ZNF563: variants seen among roughly 807,000 people sequenced by gnomAD.
ZNF563 encodes the protein zinc finger protein 563.
Under a neutral mutation model 48.5 loss-of-function variants are expected in ZNF563, and 39 were observed. The ratio of observed to expected loss-of-function variants is 0.80; its 90% CI spans 0.62 to 1.05. ZNF563 has a LOEUF of 1.05. ZNF563 is among the 50% of genes least tolerant of loss of function. The pLI, the probability that ZNF563 is intolerant of heterozygous loss-of-function variation, is 0.00. For synonymous variants in ZNF563, 168 were observed against 187.9 expected, an observed-to-expected ratio of 0.89 and a Z score of 0.87; for missense variants, 538 against 597.0, an observed-to-expected ratio of 0.90 and a Z score of 1.03.
chr19:12,346,420 T>C, the ZNF563 span: 1 of 152,166 alleles, frequency 6.6e-6, no homozygotes, highest in Non-Finnish European at 1.5e-5. Flanking sequence ...TAATTGGCTA[T>C]TATGAAAAAA....
At chr19:12,341,629 C>T in the ZNF563 span, among the ~76,000 whole-genome samples, 2 of 152,104 alleles carry the variant, frequency 1.3e-5, no homozygotes, top group South Asian at 4.1e-4. Flanking sequence ...AAGAAGAACA[C>T]TATTTATAAA....
chr19:12,335,407 A>G (rs1310442042), upstream of ZNF563, among the ~76,000 whole-genome samples: 1 of 152,198 alleles, frequency 6.6e-6, no homozygotes, highest in African/African-American at 2.4e-5. Context: ...CCATAAGCAA[A>G]TTAACTGTCC....
chr19:12,318,617 T>C lies in ZNF563; in HGVS notation c.1408A>G (p.Thr470Ala), dbSNP rs778026581. ...ATTCATATTGTTTCTCTCCAGTGAG[T>C]CTTTTCATGTCTTTGACATACACTG... ...YPSVCQRHEKTHWRETI is the reference protein window; with the variant it reads ...YPSVCQRHEKAHWRETI Residue 470 changes from threonine to alanine, a missense_variant, in exon 4 of 4, where the codon ACT (threonine) becomes GCT (alanine). Thr to Ala is a moderately conservative substitution (Grantham distance 58, BLOSUM62 0). Transcript: ENST00000293725. The C allele has an allele frequency of 2.5e-5, 40 of 1,613,208 alleles. No homozygotes were observed. Among genetic ancestry groups the C allele is most frequent in the Non-Finnish European group, 2.4e-5 (28 of 1,179,602 alleles).
chr19:12,324,222 A>T (rs1968710367), intron 1 of ZNF563, among the ~76,000 whole-genome samples: 2 of 152,072 alleles, frequency 1.3e-5, no homozygotes, highest in South Asian at 2.1e-4. Flanking sequence ...TTAGCCGGGC[A>T]TGGTGGTGTG....
rs1459275249 is a variant in ZNF563, at chr19:12,333,587, C to T, written c.-105G>A. 6 of 1,514,590 alleles carry T rather than the reference C, an allele frequency of 4.0e-6. No homozygotes were observed. Among genetic ancestry groups the T allele is most frequent in the Non-Finnish European group, 5.4e-6 (6 of 1,108,700 alleles). 93.8% of individuals were successfully genotyped at this position (1,514,590 alleles called of 1,614,324 possible). A position where few individuals can be genotyped will look rare whatever the true frequency, so the allele number is the denominator to read the frequency against. On this transcript the variant is annotated 5_prime_UTR_variant, in exon 1 of 4. Transcript: ENST00000293725. The stretch of plus-strand genomic sequence containing the variant: ...ACAGACGTTCCAGGGCGTCTCTCAG[C>T]GACTGAGGCTACACAGACGTTCCAG...
chr19:12,342,435 A>G, the ZNF563 span, among the ~76,000 whole-genome samples: 2 of 152,160 alleles, frequency 1.3e-5, no homozygotes, highest in Admixed American at 1.3e-4. Context: ...AGAAATTGCA[A>G]TAGAAAATAC....
intron 3 of ZNF563, among the ~76,000 whole-genome samples, chr19:12,320,752 A>G (rs1599568388): frequency 6.6e-6 from 1 of 151,590 alleles, no homozygotes; most frequent in South Asian, 2.1e-4. Flanking sequence ...GCCTGCCTCA[A>G]CCTCCCAAAG....
rs2145796439 is a variant in ZNF563 at position 12,319,223 on chromosome 19, AG to A, written c.801del (p.Tyr268IlefsTer2). 2 of 1,614,092 alleles carry A rather than the reference AG, an allele frequency of 1.2e-6. No homozygotes were observed. The highest frequency in any genetic ancestry group is 2.7e-5 in the African/African-American group (2 of 75,020). ...QCSKALPDSS[S>X]YIRHERTHTG... is the part of the protein sequence containing the mutation. ...GTGTGAGTTCTTTCATGTCTTATAT[AG>A]GAACTGGAATCAGGCAAGGCTTTAG... On this transcript the variant is annotated frameshift_variant, in exon 4 of 4. Coordinates refer to ENST00000293725, the MANE Select transcript of ZNF563 (RefSeq NM_145276.3). LOFTEE classifies it high-confidence loss of function.
upstream of ZNF563, among the ~76,000 whole-genome samples, chr19:12,335,311 A>C (rs1465480091): frequency 6.6e-6 from 1 of 152,214 alleles, no homozygotes; most frequent in African/African-American, 2.4e-5. Context: ...GGGTCGTAGA[A>C]TCCAGAACCC....
Position 12,319,535 on chromosome 19 carries a change from T to C in ZNF563, c.490A>G (p.Thr164Ala), listed in dbSNP as rs763236614. ...HSFQSRGRPH[T>A]GKKRYECKEC... ...TTACACTCATAGCGTTTCTTTCCAG[T>C]GTGAGGCCTTCCACGCGACTGAAAG... The change falls in exon 4 of 4, where the codon ACT (threonine) becomes GCT (alanine). Residue 164 changes from threonine (T) to alanine (A), a missense_variant. Transcript: ENST00000293725. 1 of 1,614,196 alleles carries C rather than the reference T, an allele frequency of 6.2e-7. No individual in the cohort carries two copies. Among genetic ancestry groups the C allele is most frequent in the East Asian group, 2.2e-5 (1 of 44,890 alleles).
chr19:12,324,720 G>GAA lies in ZNF563; in HGVS notation c.4-2011_4-2010dup, dbSNP rs61639995. ...TGACAAGAGCGAAACTCCGTCTCAA[G>GAA]AAAAAAAAAAAAAAAAAAAAAAAAC... On this transcript the variant is annotated intron_variant, in intron 1 of 3. Transcript: ENST00000293725. 1.1e-3 allele frequency among the ~76,000 whole-genome samples: 64 copies of GAA among 56,790 alleles called. 1 individual carries two copies. The highest frequency in any genetic ancestry group is 1.3e-3 in the Non-Finnish European group (37 of 27,632). The allele number at this position is 56,790 out of a possible 152,430, so 37.3% of individuals were successfully genotyped here.
At chr19:12,331,042 C>T (rs956040536) in intron 1 of ZNF563, among the ~76,000 whole-genome samples, 1 of 152,006 alleles carries the variant, frequency 6.6e-6, no homozygotes, top group Non-Finnish European at 1.5e-5. Context: ...CTGTGTAGTA[C>T]GACAGAAAAG....
chr19:12,346,022 T>C, the ZNF563 span: 6 of 152,020 alleles, frequency 3.9e-5, no homozygotes, highest in African/African-American at 1.4e-4. Context: ...CTGGACTACA[T>C]CGAAATTAAA....
At chr19:12,333,377 C>G (rs2145821793) in intron 1 of ZNF563, 103 bp downstream of exon 1, 3 of 1,509,500 alleles carry the variant, frequency 2.0e-6, no homozygotes, top group Non-Finnish European at 2.7e-6. Context: ...GGTCCCAGAC[C>G]CCGGAGCTGA....
chr19:12,319,487 A>G lies in ZNF563; in HGVS notation c.538T>C (p.Ser180Pro). The stretch of plus-strand genomic sequence containing the variant: ...ATGTGTCTTCGAAGGTTTCTACGAG[A>G]ACTGAAGGTTTTTCCACATTCCTTA... ...ECKECGKTFS[S>P]RRNLRRHMVV... is the part of the protein sequence containing the mutation. The change falls in exon 4 of 4, where the codon TCT (serine) becomes CCT (proline). Residue 180 changes from serine to proline, a missense_variant. Transcript: ENST00000293725. 10 of 1,614,178 alleles carry G rather than the reference A, an allele frequency of 6.2e-6. No homozygotes were observed. Among genetic ancestry groups the G allele is most frequent in the Non-Finnish European group, 6.8e-6 (8 of 1,180,016 alleles).
intron 3 of ZNF563, among the ~76,000 whole-genome samples, chr19:12,320,812 C>T (rs1298907366): frequency 6.6e-6 from 1 of 151,724 alleles, no homozygotes; most frequent in Non-Finnish European, 1.5e-5. Flanking sequence ...TATGTAAATT[C>T]TTATAAAATG....
the ZNF563 span, among the ~76,000 whole-genome samples, chr19:12,339,132 G>A: frequency 6.6e-6 from 1 of 152,094 alleles, no homozygotes; most frequent in African/African-American, 2.4e-5. Flanking sequence ...TTTACAGTGT[G>A]CTTTCCACAG....
chr19:12,333,736 C>T, upstream of ZNF563: 1 of 540,700 alleles, frequency 1.8e-6, no homozygotes, highest in South Asian at 2.5e-5. Flanking sequence ...ACGACCCCGC[C>T]CCATAGCTCT....
chr19:12,333,154 C>A (rs1968963457), intron 1 of ZNF563, among the ~76,000 whole-genome samples: 1 of 152,220 alleles, frequency 6.6e-6, no homozygotes, highest in African/African-American at 2.4e-5. Flanking sequence ...ACCCCACACA[C>A]GAGTGGGGAT....
Sources: gnomAD v4.1 joint callset for allele counts (sites outside exome capture counted in the v4.1 genomes callset) on GRCh38, gnomAD v4.1.1 for gene constraint, MANE v1.5 for transcripts, NCBI Gene and HGNC (gene_info 2026-07-23, HGNC 2026-07-21) for gene names.